Variants in LEPR observed in about 807,000 individuals in gnomAD.
LEPR encodes leptin receptor, also known as OB receptor.
A neutral mutation model predicts 114.7 loss-of-function variants in LEPR; 56 were observed. The observed-to-expected ratio is 0.49, with a 90% CI of 0.39 to 0.61. The LOEUF is 0.61. Among genes scored for constraint, LEPR ranks in the 20% least tolerant of loss-of-function variants. The probability of loss-of-function intolerance (pLI) is 0.00; values close to 1 mark genes in which losing one functional copy is unlikely to be tolerated. For synonymous variants in LEPR, 443 were observed against 461.4 expected (o/e 0.96, Z 0.51); for missense variants, 1,202 against 1,352.9 (o/e 0.89, Z 1.75).
intron 2 of LEPR, chr1:65,525,549 G>A (rs1032502555): frequency 4.7e-6 from 4 of 855,738 alleles, no homozygotes; most frequent in Non-Finnish European, 5.6e-6. Context: ...TCCCGCTCAG[G>A]GGCGGCTGCG....
chr1:65,569,120 C>G (rs1220934391), intron 3 of LEPR, among the ~76,000 whole-genome samples: 1 of 152,058 alleles, frequency 6.6e-6, no homozygotes, highest in Non-Finnish European at 1.5e-5. Context: ...ACCTCTGTAT[C>G]TTTTCGTGAC....
rs1470359655 is a variant in LEPR at position 65,640,891 on chromosome 1, G to T, written c.*3876G>T. 1 of 151,628 alleles carries T rather than the reference G, an allele frequency of 6.6e-6. No individual in the cohort carries two copies. Among genetic ancestry groups the T allele is most frequent in the Non-Finnish European group, 1.5e-5 (1 of 68,062 alleles). The allele number at this position is 151,628 out of a possible 1,614,324, so 9.4% of individuals were successfully genotyped here. On this transcript the variant is annotated 3_prime_UTR_variant, in exon 20 of 20. Coordinates refer to ENST00000349533, the MANE Select transcript of LEPR (RefSeq NM_002303.6). Reference sequence around the variant, plus strand: ...TTCTCCTGCCTCAGCCTCCCCAGTAGCTGGGATTACGGGCACACCACCATG... The same window carrying T: ...TTCTCCTGCCTCAGCCTCCCCAGTATCTGGGATTACGGGCACACCACCATG...
intron 2 of LEPR, among the ~76,000 whole-genome samples, chr1:65,508,429 T>C (rs1648868013): frequency 6.6e-6 from 1 of 152,170 alleles, no homozygotes; most frequent in Non-Finnish European, 1.5e-5. Flanking sequence ...CACAATATGA[T>C]TTATTGAAGA....
rs762563535 is a variant in LEPR, at chr1:65,608,718, T to C, written c.1604-35T>C. Reference sequence around the variant, plus strand: ...TTTTTAGGCATTATTACTATTTAAATTACCATCACTTAATACTATTGTAAA... The same window carrying C: ...TTTTTAGGCATTATTACTATTTAAACTACCATCACTTAATACTATTGTAAA... On this transcript the variant is annotated intron_variant, in intron 11 of 19. Coordinates refer to ENST00000349533, the MANE Select transcript of LEPR (RefSeq NM_002303.6). 4 of 1,600,496 alleles carry C rather than the reference T, an allele frequency of 2.5e-6. No individual in the cohort carries two copies. In the South Asian group the frequency reaches 4.5e-5, roughly 18 times the overall value.
intron 2 of LEPR, among the ~76,000 whole-genome samples, chr1:65,457,348 A>T (rs1646890981): frequency 6.6e-6 from 1 of 152,098 alleles, no homozygotes; most frequent in African/African-American, 2.4e-5. Context: ...TATATTTTGT[A>T]GTTGTTTCAC....
At chr1:65,434,737 A>C (rs190922934) in intron 2 of LEPR, 4 of 985,224 alleles carry the variant, frequency 4.1e-6, no homozygotes, top group East Asian at 2.3e-4. Flanking sequence ...ATCCAGGTAC[A>C]CTCCTGGGAG....
At chr1:65,517,157 A>G (rs997116280) in intron 2 of LEPR, among the ~76,000 whole-genome samples, 3 of 152,232 alleles carry the variant, frequency 2.0e-5, no homozygotes, top group African/African-American at 7.2e-5. Flanking sequence ...GGTCAAAGTC[A>G]AGAAAACTTT....
At chr1:65,600,294 T>C (rs1656359666) in intron 8 of LEPR, among the ~76,000 whole-genome samples, 1 of 152,090 alleles carries the variant, frequency 6.6e-6, no homozygotes, top group South Asian at 2.1e-4. Flanking sequence ...TCAGTCACGC[T>C]CATAAATCTA....
intron 2 of LEPR, among the ~76,000 whole-genome samples, chr1:65,520,926 G>T (rs920608356): frequency 6.6e-5 from 10 of 152,194 alleles, no homozygotes; most frequent in Admixed American, 1.3e-4. Context: ...TTTGGCCCTG[G>T]GTGGGCCAGG....
rs1654094753 is a variant in LEPR at position 65,570,733 on chromosome 1, T to G, written c.301T>G (p.Leu101Val). ...GAGTGAGCAAGATAGAAACTGCTCCTTATGTGCAGACAACATTGAAGGAAA... is the reference window on the plus strand; with the variant it reads ...GAGTGAGCAAGATAGAAACTGCTCCGTATGTGCAGACAACATTGAAGGAAA... ...FRSEQDRNCS[L>V]CADNIEGKTF... Residue 101 changes from leucine (L) to valine (V), a missense_variant, in exon 4 of 20, where the codon TTA becomes GTA. Transcript: ENST00000349533. The G allele has an allele frequency of 1.2e-6, 2 of 1,604,754 alleles. No individual in the cohort carries two copies. Among genetic ancestry groups the G allele is most frequent in the African/African-American group, 2.7e-5 (2 of 74,664 alleles).
At chr1:65,464,630 A>G (rs1646986768) in intron 2 of LEPR, among the ~76,000 whole-genome samples, 1 of 152,190 alleles carries the variant, frequency 6.6e-6, no homozygotes, top group Non-Finnish European at 1.5e-5. Flanking sequence ...CTCTGGTAGA[A>G]TTTGGCTGTG....
chr1:65,598,110 T>TTTTTTTTTTTTTTG (rs1656199814), intron 7 of LEPR, among the ~76,000 whole-genome samples: 1 of 147,332 alleles, frequency 6.8e-6, no homozygotes, highest in African/African-American at 2.6e-5. Context: ...TTTTTTTTTT[T>TTTTTTTTTTTTTTG]TTTTTAAGAG....
chr1:65,441,041 A>G (rs1485713813), intron 2 of LEPR, among the ~76,000 whole-genome samples: 1 of 152,238 alleles, frequency 6.6e-6, no homozygotes, highest in Non-Finnish European at 1.5e-5. Context: ...CACTCAGGAA[A>G]TAGCTTGGTC....
chr1:65,627,890 T>C (rs1035113918), intron 19 of LEPR, among the ~76,000 whole-genome samples: 5 of 152,286 alleles, frequency 3.3e-5, no homozygotes, highest in Admixed American at 3.3e-4. Flanking sequence ...ATTTTGAATA[T>C]TGATTATTAT....
At position 65,462,140 on chromosome 1, in the gene LEPR, A is replaced by T. The variant is rs114863940; in HGVS notation, c.-21+36762A>T. On this transcript the variant is annotated intron_variant, in intron 2 of 19. Transcript: ENST00000349533. ...ATTACTAATTAGGGTTACTAATGCTATCCCTCTCCCATCCCCCCACCCGCC... is the reference window on the plus strand; with the variant it reads ...ATTACTAATTAGGGTTACTAATGCTTTCCCTCTCCCATCCCCCCACCCGCC... 5.0e-3 allele frequency among the ~76,000 whole-genome samples: 759 copies of T among 152,220 alleles called. 8 individuals carry two copies. The highest frequency in any genetic ancestry group is 0.018 in the African/African-American group (731 of 41,532).
At chr1:65,564,920 CAT>C (rs558515701) in intron 2 of LEPR, among the ~76,000 whole-genome samples, 230 of 152,298 alleles carry the variant, frequency 1.5e-3, no homozygotes, top group African/African-American at 5.4e-3. Flanking sequence ...GAGTAGAACT[CAT>C]AGGAAATCTT....
intron 2 of LEPR, chr1:65,526,055 G>T: frequency 3.2e-6 from 3 of 939,392 alleles, no homozygotes; most frequent in Non-Finnish European, 3.8e-6. Flanking sequence ...AGGAAGATCT[G>T]GACACACGGC....
intron 2 of LEPR, among the ~76,000 whole-genome samples, chr1:65,476,412 G>A (rs745989864): frequency 3.3e-4 from 50 of 152,036 alleles, no homozygotes; most frequent in Non-Finnish European, 5.1e-4. Flanking sequence ...AGCAGTGAAC[G>A]GGGTGGACAT....
intron 5 of LEPR, among the ~76,000 whole-genome samples, chr1:65,588,313 T>A (rs1398133669): frequency 6.6e-5 from 10 of 151,942 alleles, no homozygotes; most frequent in African/African-American, 2.4e-4. Flanking sequence ...ATTTTTTTTT[T>A]AAGATTGACC....
Sources: allele counts gnomAD v4.1 joint callset (sites outside exome capture counted in the v4.1 genomes callset), GRCh38; gene constraint gnomAD v4.1.1; transcripts MANE v1.5; gene names NCBI Gene and HGNC (gene_info 2026-07-23, HGNC 2026-07-21).